The following SOX5 variants were observed in gnomAD, a reference collection of about 807,000 sequenced individuals.
SOX5 encodes transcription factor SOX-5.
Under a neutral mutation model 92.0 loss-of-function variants are expected in SOX5, and 9 were observed. The observed-to-expected ratio is 0.10, with a 90% confidence interval of 0.06 to 0.17. SOX5 has a LOEUF of 0.17. SOX5 is among the 10% of genes least tolerant of loss of function. The pLI, the probability that SOX5 is intolerant of heterozygous loss-of-function variation, is 1.00. For synonymous variants in SOX5, 344 were observed against 336.3 expected (o/e 1.02, Z -0.25); for missense variants, 642 against 944.5 (o/e 0.68, Z 4.20).
At chr12:24,469,008 C>T (rs1344724203) in intron 1 of SOX5, among the ~76,000 whole-genome samples, 4 of 152,138 alleles carry the variant, frequency 2.6e-5, no homozygotes, top group African/African-American at 7.2e-5. Context: ...TTTATTTCCA[C>T]TATTATCACA....
At chr12:24,488,023 CTA>C (rs1400301165) in intron 1 of SOX5, among the ~76,000 whole-genome samples, 1 of 152,124 alleles carries the variant, frequency 6.6e-6, no homozygotes, top group Non-Finnish European at 1.5e-5. Flanking sequence ...TAGAGGAAAA[CTA>C]TATGACTATT....
At chr12:24,339,163 C>CACA (rs1952273837) in intron 2 of SOX5, among the ~76,000 whole-genome samples, 1 of 140,382 alleles carries the variant, frequency 7.1e-6, no homozygotes, top group African/African-American at 2.7e-5. Flanking sequence ...TCTCTCTCTG[C>CACA]CACACACACA....
intron 2 of SOX5, among the ~76,000 whole-genome samples, chr12:24,287,713 G>A (rs893689999): frequency 2.1e-5 from 3 of 141,292 alleles, no homozygotes; most frequent in Admixed American, 7.8e-5. Flanking sequence ...AAAAATTATA[G>A]ATCTCTTTGG....
chr12:24,294,565 C>A (rs1158620955), intron 2 of SOX5, among the ~76,000 whole-genome samples: 8 of 152,206 alleles, frequency 5.3e-5, no homozygotes, highest in African/African-American at 1.9e-4. Context: ...ACACTTTCTA[C>A]CTCTCACATG....
At chr12:24,523,810 A>G (rs1950462062) in intron 1 of SOX5, among the ~76,000 whole-genome samples, 1 of 152,222 alleles carries the variant, frequency 6.6e-6, no homozygotes, top group Non-Finnish European at 1.5e-5. Context: ...ACATAAGGGA[A>G]AATCTTTGTG....
chr12:24,243,608 C>A (rs1937937080), intron 3 of SOX5, among the ~76,000 whole-genome samples: 1 of 152,066 alleles, frequency 6.6e-6, no homozygotes, highest in African/African-American at 2.4e-5. Flanking sequence ...GATATAAAGT[C>A]ATTCTAAAAC....
chr12:23,606,048 T>C (rs1055259994), intron 8 of SOX5, among the ~76,000 whole-genome samples: 1 of 152,050 alleles, frequency 6.6e-6, no homozygotes, highest in Non-Finnish European at 1.5e-5. Context: ...AAAGGAAGAC[T>C]TGAGAGTTTA....
At chr12:23,961,626 G>A (rs866027862) in intron 4 of SOX5, among the ~76,000 whole-genome samples, 1 of 152,030 alleles carries the variant, frequency 6.6e-6, no homozygotes, top group African/African-American at 2.4e-5. Flanking sequence ...TCCATCACCT[G>A]TCACTCTTCT....
In SOX5 at chr12:23,753,573, T is replaced by A. The variant is rs566951363; in HGVS notation, c.568+2065A>T. ...TCAATACATTCATATTTTCAGATTT[T>A]AAAAAAAAGATTACTTATTGTTCCC... is the stretch of plus-strand genomic sequence containing the variant. On this transcript the variant is annotated intron_variant, in intron 4 of 14. Coordinates refer to ENST00000451604, the MANE Select transcript of SOX5 (RefSeq NM_006940.6). Among the ~76,000 whole-genome samples the A allele has an allele frequency of 2.1e-4, 32 of 151,702 alleles. No individual in the cohort carries two copies. The South Asian group carries it at 2.5e-3, about 12-fold the overall frequency.
chr12:23,916,588 T>A (rs1403170633), intron 1 of SOX5, among the ~76,000 whole-genome samples: 1 of 152,204 alleles, frequency 6.6e-6, no homozygotes, highest in Non-Finnish European at 1.5e-5. Flanking sequence ...TTGGAGATAA[T>A]GTGGATAAAT....
At chr12:24,558,364 C>A (rs1359927094) in intron 1 of SOX5, among the ~76,000 whole-genome samples, 1 of 152,036 alleles carries the variant, frequency 6.6e-6, no homozygotes, top group Admixed American at 6.5e-5. Flanking sequence ...GAGGAAACAA[C>A]CCCCCGCGAA....
At chr12:24,115,191 A>T (rs935312866) in intron 4 of SOX5, among the ~76,000 whole-genome samples, 3 of 152,194 alleles carry the variant, frequency 2.0e-5, no homozygotes, top group African/African-American at 7.2e-5. Context: ...TAACATTCTT[A>T]AAACAACCCA....
At chr12:24,247,439 G>A (rs530358485) in intron 3 of SOX5, among the ~76,000 whole-genome samples, 1 of 152,116 alleles carries the variant, frequency 6.6e-6, no homozygotes, top group South Asian at 2.1e-4. Context: ...GGTTTGGTTA[G>A]AGAGAGAGTT....
chr12:23,732,945 C>T (rs1345737575), intron 6 of SOX5, among the ~76,000 whole-genome samples: 1 of 152,098 alleles, frequency 6.6e-6, no homozygotes, highest in Admixed American at 6.6e-5. Context: ...AATTACAGTG[C>T]TTCATGCTCT....
intron 3 of SOX5, among the ~76,000 whole-genome samples, chr12:24,248,548 C>T (rs1450549637): frequency 6.6e-6 from 1 of 152,102 alleles, no homozygotes; most frequent in Non-Finnish European, 1.5e-5. Context: ...CCACGCTCGG[C>T]TAATTTTTAT....
chr12:24,231,527 T>C (rs1963398503), intron 3 of SOX5, among the ~76,000 whole-genome samples: 1 of 152,212 alleles, frequency 6.6e-6, no homozygotes, highest in Non-Finnish European at 1.5e-5. Context: ...TTGTACATTC[T>C]AACCAGTATT....
At position 24,335,987 on chromosome 12, in the gene SOX5, A is replaced by ATATATATATATATATATATATATC. The variant is rs1555235765; in HGVS notation, c.-174+32575_-174+32576insGATATATATATATATATATATATA. On this transcript the variant is annotated intron_variant, in intron 2 of 4. Coordinates refer to the SOX5 transcript ENST00000446891. ...GAAATGCTATCATATATATATATAT[A>ATATATATATATATATATATATATC]TCCATAATATTAAATTTTTCTTGTT... Among the ~76,000 whole-genome samples, 89 of 134,296 alleles carry ATATATATATATATATATATATATC rather than the reference A, an allele frequency of 6.6e-4. 4 individuals carry two copies. In the East Asian group the frequency reaches 7.6e-3, roughly 11 times the overall value. The allele number at this position is 134,296 out of a possible 152,430, so 88.1% of individuals were successfully genotyped here. A position where few individuals can be genotyped will look rare whatever the true frequency, so the allele number is the denominator to read the frequency against.
chr12:24,288,128 G>T (rs192451882), intron 2 of SOX5, among the ~76,000 whole-genome samples: 9 of 152,276 alleles, frequency 5.9e-5, no homozygotes, highest in Admixed American at 5.9e-4. Flanking sequence ...GGGTGATTAT[G>T]TCCCTGGGGG....
intron 6 of SOX5, among the ~76,000 whole-genome samples, chr12:23,721,474 G>T (rs985167004): frequency 6.6e-6 from 1 of 151,692 alleles, no homozygotes; most frequent in African/African-American, 2.4e-5. Context: ...ATCCGAGAGC[G>T]TAAACTACCA....
Sources: allele counts gnomAD v4.1 joint callset (sites outside exome capture counted in the v4.1 genomes callset), GRCh38; gene constraint gnomAD v4.1.1; transcripts MANE v1.5; gene names NCBI Gene and HGNC (gene_info 2026-07-23, HGNC 2026-07-21).